ALB: variants seen among roughly 807,000 people sequenced by gnomAD.
ALB encodes the protein serum albumin.
In ALB, 37 loss-of-function variants were observed where a neutral mutation model predicts 74.5. The ratio of observed to expected loss-of-function variants is 0.50; its 90% CI spans 0.38 to 0.65. The LOEUF (loss-of-function observed/expected upper bound fraction) is 0.65, where lower values mean the gene tolerates loss of function less well. ALB is among the 30% of genes least tolerant of loss of function. The probability of loss-of-function intolerance (pLI) is 0.00; values close to 1 mark genes in which losing one functional copy is unlikely to be tolerated. For synonymous variants in ALB, 249 were observed against 251.6 expected, an observed-to-expected ratio of 0.99 and a Z score of 0.10; for missense variants, 685 against 718.7, an observed-to-expected ratio of 0.95 and a Z score of 0.54.
rs1719113453 is a variant in ALB at position 73,420,329 on chromosome 4, T to C, written c.*23+8T>C. On this transcript the variant is annotated splice_region_variant and intron_variant, in intron 14 of 14. Coordinates refer to ENST00000295897, the MANE Select transcript of ALB (RefSeq NM_000477.7). ...CATTTAAAAGCATCTCAGGTAACTATATTTTGAATTTTTTAAAAAAGTAAC... is the reference window on the plus strand; with the variant it reads ...CATTTAAAAGCATCTCAGGTAACTACATTTTGAATTTTTTAAAAAAGTAAC... The C allele has an allele frequency of 2.5e-6, 4 of 1,579,554 alleles. No homozygotes were observed. Among genetic ancestry groups the C allele is most frequent in the Admixed American group, 1.7e-5 (1 of 59,208 alleles).
chr4:73,420,869 G>A, intron 14 of ALB: 1 of 428,862 alleles, frequency 2.3e-6, no homozygotes, highest in Admixed American at 4.2e-5. Context: ...AACATGCTGA[G>A]CTTTAATAGG....
At chr4:73,407,094 T>G (rs1430101862) in intron 3 of ALB, among the ~76,000 whole-genome samples, 2 of 152,092 alleles carry the variant, frequency 1.3e-5, no homozygotes, top group Non-Finnish European at 2.9e-5. Context: ...TAGCATGTAT[T>G]TATTTATTTA....
rs78729725 is a variant in ALB at position 73,412,128 on chromosome 4, A to G, written c.843+3A>G. ...TGCTTGAATGTGCTGATGACAGGGT[A>G]AAGAGTCGTCGATATGCTTTTTGGT... On this transcript the variant is annotated splice_donor_region_variant and intron_variant, in intron 7 of 14. Coordinates refer to ENST00000295897, the MANE Select transcript of ALB (RefSeq NM_000477.7). The G allele has an allele frequency of 4.3e-6, 7 of 1,613,912 alleles. No individual in the cohort carries two copies. The highest frequency in any genetic ancestry group is 2.7e-5 in the African/African-American group (2 of 74,924).
intron 6 of ALB, among the ~76,000 whole-genome samples, chr4:73,410,725 T>A (rs1416788366): frequency 3.3e-5 from 5 of 152,194 alleles, no homozygotes; most frequent in African/African-American, 9.6e-5. Context: ...ATTATTTTTA[T>A]AGAGCTGTAG....
At chr4:73,405,695 A>G (rs1718705488) in intron 2 of ALB, among the ~76,000 whole-genome samples, 1 of 151,442 alleles carries the variant, frequency 6.6e-6, no homozygotes, top group South Asian at 2.1e-4. Context: ...GGTTCACGCC[A>G]TTCTCCTGCC....
chr4:73,416,102 C>T (rs998114246), intron 9 of ALB, among the ~76,000 whole-genome samples, 154 bp from the exon 10 acceptor site: 4 of 152,012 alleles, frequency 2.6e-5, no homozygotes, highest in East Asian at 1.9e-4. Context: ...ATAAATAGTT[C>T]GAATGTATTG....
chr4:73,407,166 G>A (rs1487621005), intron 3 of ALB, among the ~76,000 whole-genome samples: 1 of 151,996 alleles, frequency 6.6e-6, no homozygotes, highest in East Asian at 1.9e-4. Flanking sequence ...ATATTTTTAA[G>A]TGTACAATCC....
intron 10 of ALB, among the ~76,000 whole-genome samples, chr4:73,417,012 G>C (rs1398118324): frequency 6.6e-6 from 1 of 152,272 alleles, no homozygotes; most frequent in East Asian, 1.9e-4. Context: ...CAGTGAACAA[G>C]ACATAGTTTC....
In ALB at chr4:73,418,352, TA is replaced by T. The variant is rs1719070310; in HGVS notation, c.1652+42del. On this transcript the variant is annotated intron_variant, in intron 12 of 14. Coordinates refer to ENST00000295897, the MANE Select transcript of ALB (RefSeq NM_000477.7). ...TTACTGCATGTGTTTGTAGTCTTGATAGCAAGAACTGTCAATTCAAGCTAGC... is the reference window on the plus strand; with the variant it reads ...TTACTGCATGTGTTTGTAGTCTTGATGCAAGAACTGTCAATTCAAGCTAGC... 3.2e-6 allele frequency: 5 copies of T among 1,554,838 alleles called. No individual in the cohort carries two copies. The East Asian group carries it at 1.1e-4, about 35-fold the overall frequency.
intron 8 of ALB, among the ~76,000 whole-genome samples, chr4:73,414,352 A>G (rs1019236613): frequency 2.0e-5 from 3 of 152,234 alleles, no homozygotes; most frequent in African/African-American, 7.2e-5. Flanking sequence ...AAATCAAACA[A>G]AATGTTAATA....
chr4:73,410,351 A>G lies in ALB; in HGVS notation c.655A>G (p.Lys219Glu). ...LRDEGKASSA[K>E]QRLKCASLQK... is the part of the protein sequence containing the mutation. ...GGATGAAGGGAAGGCTTCGTCTGCC[A>G]AACAGAGACTCAAGTGTGCCAGTCT... Residue 219 changes from lysine (K) to glutamate (E), a missense_variant, in exon 6 of 15, where the codon AAA (lysine) becomes GAA (glutamate). By Grantham distance (56) the Lys-to-Glu change is moderately conservative. Coordinates refer to ENST00000295897, the MANE Select transcript of ALB (RefSeq NM_000477.7). 6.2e-7 allele frequency: 1 copy of G among 1,613,918 alleles called. No individual in the cohort carries two copies. Among genetic ancestry groups the G allele is most frequent in the Non-Finnish European group, 8.5e-7 (1 of 1,179,820 alleles).
chr4:73,414,964 T>C (rs2149328783), intron 8 of ALB, 71 bp from the exon 9 acceptor site: 1 of 1,569,544 alleles, frequency 6.4e-7, no homozygotes, highest in Non-Finnish European at 8.8e-7. Flanking sequence ...GAGTTACTTT[T>C]GAGATTAGCT....
chr4:73,417,973 C>T, intron 11 of ALB, 115 bp from the exon 12 acceptor site: 1 of 1,003,658 alleles, frequency 1.0e-6, no homozygotes, highest in South Asian at 1.4e-5. Flanking sequence ...CTCAGCCTCC[C>T]AAGTAGCTGG....
chr4:73,409,294 A>G, intron 4 of ALB, 61 bp from the exon 5 acceptor site: 1 of 1,568,134 alleles, frequency 6.4e-7, no homozygotes, highest in Non-Finnish European at 8.8e-7. Context: ...TGTCGATTAC[A>G]ATTATTTCTG....
chr4:73,418,715 C>G (rs1719077134), intron 12 of ALB, among the ~76,000 whole-genome samples: 1 of 152,172 alleles, frequency 6.6e-6, no homozygotes, highest in South Asian at 2.1e-4. Context: ...GACAAACCCC[C>G]AAGATGTGAC....
chr4:73,409,681 A>G (rs867770891), intron 5 of ALB, among the ~76,000 whole-genome samples, 194 bp downstream of exon 5: 4 of 152,268 alleles, frequency 2.6e-5, no homozygotes, highest in Middle Eastern at 3.4e-3. Context: ...AGATTTGCCA[A>G]TGATGATCTG....
intron 1 of ALB, 106 bp downstream of exon 1, chr4:73,404,512 T>TA (rs1718670188): frequency 1.1e-6 from 1 of 930,794 alleles, no homozygotes; most frequent in Non-Finnish European, 1.7e-6. Context: ...CATTTATTTC[T>TA]AAAATGGCAT....
At chr4:73,409,047 G>C (rs1718802106) in intron 4 of ALB, 1 of 574,456 alleles carries the variant, frequency 1.7e-6, no homozygotes, top group East Asian at 2.9e-5. Context: ...ATTTAAGATA[G>C]ACAAATTATT....
chr4:73,407,780 TC>T (rs1461582691), intron 3 of ALB, among the ~76,000 whole-genome samples: 10 of 152,192 alleles, frequency 6.6e-5, no homozygotes, highest in African/African-American at 2.4e-4. Context: ...TATTTCCAGA[TC>T]AATCTTCAAA....
Sources: gnomAD v4.1 joint callset for allele counts (sites outside exome capture counted in the v4.1 genomes callset) on GRCh38, gnomAD v4.1.1 for gene constraint, MANE v1.5 for transcripts, NCBI Gene and HGNC (gene_info 2026-07-23, HGNC 2026-07-21) for gene names.